Variants in VASN observed in about 807,000 individuals in gnomAD.
VASN encodes the protein protein slit-like 2.
VASN carries 5 observed loss-of-function variants against 4.8 expected under a neutral mutation model. That is an observed-to-expected ratio of 1.03 (90% CI 0.54 to 2.17). VASN has a LOEUF of 2.17. Among genes scored for constraint, VASN ranks in the 30% most tolerant of loss-of-function variants. The pLI is 0.01. For missense variants in VASN, 927 were observed against 948.8 expected (o/e 0.98, Z 0.30); for synonymous variants, 499 against 460.8 (o/e 1.08, Z -1.06).
intron 1 of VASN, among the ~76,000 whole-genome samples, chr16:4,380,662 C>T (rs1237508124): frequency 6.6e-6 from 1 of 152,220 alleles, no homozygotes; most frequent in Non-Finnish European, 1.5e-5. Context: ...ATGATGACCT[C>T]TGTGTGCATT....
intron 1 of VASN, among the ~76,000 whole-genome samples, chr16:4,374,769 G>A (rs1009725385): frequency 6.6e-6 from 1 of 152,088 alleles, no homozygotes; most frequent in Non-Finnish European, 1.5e-5. Flanking sequence ...TGGGGGGTTC[G>A]GCATGGGGAG....
rs751499912 is a variant in VASN at position 4,381,816 on chromosome 16, G to A, written c.939G>A (p.Val313=). 6 of 1,600,504 alleles carry A rather than the reference G, an allele frequency of 3.7e-6. No individual in the cohort carries two copies. The highest frequency in any genetic ancestry group is 5.1e-6 in the Non-Finnish European group (6 of 1,179,590). Reference sequence around the variant, plus strand: ...CCCTGAGCTGGTTTGGCCCCTGGGTGCGCGAGAGCCACGTCACACTGGCCA... The same window carrying A: ...CCCTGAGCTGGTTTGGCCCCTGGGTACGCGAGAGCCACGTCACACTGGCCA... The part of the protein sequence containing the change: ...VCPLSWFGPW[V]RESHVTLASP... Residue 313 remains valine, a synonymous_variant, in exon 2 of 2, where the codon GTG becomes GTA. Transcript: ENST00000304735.
chr16:4,379,191 G>A (rs948438275), intron 1 of VASN, among the ~76,000 whole-genome samples: 1 of 152,136 alleles, frequency 6.6e-6, no homozygotes, highest in African/African-American at 2.4e-5. Flanking sequence ...AGCCTGTGTG[G>A]GGGAAGGGGA....
Position 4,382,947 on chromosome 16 carries a change from T to C in VASN, c.*48T>C, listed in dbSNP as rs1359618322. The C allele has an allele frequency of 6.9e-7, 1 of 1,448,328 alleles. No individual in the cohort carries two copies. Among genetic ancestry groups the C allele is most frequent in the Non-Finnish European group, 9.1e-7 (1 of 1,098,220 alleles). The allele number at this position is 1,448,328 out of a possible 1,614,324, so 89.7% of individuals were successfully genotyped here. A position where few individuals can be genotyped will look rare whatever the true frequency, so the allele number is the denominator to read the frequency against. ...GGGGCCGGGCTCTCAGCCAGTGAGATGGCCAGCCCCCTCCTGCTGCCACAC... is the reference window on the plus strand; with the variant it reads ...GGGGCCGGGCTCTCAGCCAGTGAGACGGCCAGCCCCCTCCTGCTGCCACAC... On this transcript the variant is annotated 3_prime_UTR_variant, in exon 2 of 2. Transcript: ENST00000304735.
chr16:4,372,419 G>C (rs1211821798), intron 1 of VASN, among the ~76,000 whole-genome samples: 2 of 152,232 alleles, frequency 1.3e-5, no homozygotes, highest in African/African-American at 4.8e-5. Context: ...AGGGCTGCCC[G>C]GGGTCCTCTG....
rs1456269038 is a variant in VASN, at chr16:4,377,413, A to G, written c.-9-3456A>G. 2.6e-5 allele frequency among the ~76,000 whole-genome samples: 4 copies of G among 152,124 alleles called. No individual in the cohort carries two copies. In the East Asian group the frequency reaches 7.7e-4, roughly 29 times the overall value. ...CTGTAGACAGCCCCCAGCCCCACGCACACACCAAGCACACGCCCAGACCCC... is the reference window on the plus strand; with the variant it reads ...CTGTAGACAGCCCCCAGCCCCACGCGCACACCAAGCACACGCCCAGACCCC... On this transcript the variant is annotated intron_variant, in intron 1 of 1. Coordinates refer to ENST00000304735, the MANE Select transcript of VASN (RefSeq NM_138440.3).
chr16:4,378,833 A>G (rs2054846755), intron 1 of VASN, among the ~76,000 whole-genome samples: 2 of 151,836 alleles, frequency 1.3e-5, no homozygotes, highest in Admixed American at 1.3e-4. Flanking sequence ...TAGGTTGGGG[A>G]GGCTTAGCCT....
At chr16:4,378,033 C>G (rs2054810750) in intron 1 of VASN, among the ~76,000 whole-genome samples, 2 of 152,202 alleles carry the variant, frequency 1.3e-5, no homozygotes, top group Non-Finnish European at 2.9e-5. Context: ...AAAGACCCAA[C>G]AGATTACGGA....
intron 1 of VASN, among the ~76,000 whole-genome samples, chr16:4,377,128 G>A (rs2141232120): frequency 6.6e-6 from 1 of 152,252 alleles, no homozygotes; most frequent in South Asian, 2.1e-4. Context: ...ACTGTGCCAG[G>A]GAGGGAGCAA....
At chr16:4,375,873 C>G (rs527750218) in intron 1 of VASN, among the ~76,000 whole-genome samples, 13 of 152,312 alleles carry the variant, frequency 8.5e-5, no homozygotes, top group African/African-American at 3.1e-4. Context: ...TGATGTGCAG[C>G]CCGGCGGGCA....
intron 1 of VASN, among the ~76,000 whole-genome samples, chr16:4,374,344 C>A (rs2054642112): frequency 6.6e-6 from 1 of 152,148 alleles, no homozygotes; most frequent in Admixed American, 6.5e-5. Context: ...ATTCCAGCCT[C>A]CCTGGGTGTG....
intron 1 of VASN, 62 bp from the exon 2 acceptor site, chr16:4,380,807 C>A: frequency 7.1e-7 from 1 of 1,405,556 alleles, no homozygotes; most frequent in Non-Finnish European, 9.3e-7. Context: ...CTCTTCCTGG[C>A]GTGTCTGCCT....
intron 1 of VASN, among the ~76,000 whole-genome samples, chr16:4,372,780 C>T (rs2054582189): frequency 6.6e-6 from 1 of 152,196 alleles, no homozygotes; most frequent in Non-Finnish European, 1.5e-5. Context: ...ACGATTGCCA[C>T]ACCAGGGTCA....
chr16:4,374,086 C>CGTGTGTGTGTGTGTGTGTGTGT lies in VASN; in HGVS notation c.-10+2113_-10+2114insGTGTGTGTGTGTGTGTGTGTGT, dbSNP rs112578905. Among the ~76,000 whole-genome samples the CGTGTGTGTGTGTGTGTGTGTGT allele has an allele frequency of 3.4e-3, 513 of 148,768 alleles. 2 individuals are homozygous for CGTGTGTGTGTGTGTGTGTGTGT. Among genetic ancestry groups the CGTGTGTGTGTGTGTGTGTGTGT allele is most frequent in the African/African-American group, 0.012 (479 of 40,564 alleles). On this transcript the variant is annotated intron_variant, in intron 1 of 1. Transcript: ENST00000304735. The stretch of plus-strand genomic sequence containing the variant: ...GTTCTTGGAGAAGGGGGAGGGTGCA[C>CGTGTGTGTGTGTGTGTGTGTGT]GTGTGTGTGTGTGTGTGTGTCTGCA...
At chr16:4,375,876 G>A (rs1008830636) in intron 1 of VASN, among the ~76,000 whole-genome samples, 22 of 152,196 alleles carry the variant, frequency 1.4e-4, no homozygotes, top group African/African-American at 4.8e-4. Context: ...TGTGCAGCCC[G>A]GCGGGCAAAG....
At position 4,381,006 on chromosome 16, in the gene VASN, G is replaced by T. The variant is rs1308410023; in HGVS notation, c.129G>T (p.Gly43=). ...PQTVFCTARQ[G]TTVPRDVPPD... ...CAGTCTTCTGCACTGCCCGCCAGGG[G>T]ACCACGGTGCCCCGAGACGTGCCAC... The change falls in exon 2 of 2, where the codon GGG becomes GGT. Residue 43 remains glycine, a synonymous_variant. Coordinates refer to ENST00000304735, the MANE Select transcript of VASN (RefSeq NM_138440.3). 6.2e-7 allele frequency: 1 copy of T among 1,608,862 alleles called. No individual in the cohort carries two copies.
intron 1 of VASN, among the ~76,000 whole-genome samples, chr16:4,376,385 G>A (rs2054732212): frequency 6.6e-6 from 1 of 152,190 alleles, no homozygotes; most frequent in African/African-American, 2.4e-5. Context: ...AGCCTTGGCG[G>A]GCCAGCATGA....
In VASN at chr16:4,381,484, G is replaced by A. The variant is rs755695131; in HGVS notation, c.607G>A (p.Gly203Arg). Residue 203 changes from glycine (G) to arginine (R), a missense_variant, in exon 2 of 2, where the codon GGG becomes AGG. Gly to Arg is a moderately radical substitution (Grantham distance 125, BLOSUM62 -2). Transcript: ENST00000304735. The part of the protein sequence containing the change: ...NVEALRLAGL[G>R]LQQLDEGLFS... Reference sequence around the variant, plus strand: ...GGAGGCGCTGCGGCTGGCTGGTCTGGGGCTGCAGCAGCTGGACGAGGGGCT... The same window carrying A: ...GGAGGCGCTGCGGCTGGCTGGTCTGAGGCTGCAGCAGCTGGACGAGGGGCT... 1.3e-6 allele frequency: 2 copies of A among 1,586,176 alleles called. No homozygotes were observed. The highest frequency in any genetic ancestry group is 1.7e-6 in the Non-Finnish European group (2 of 1,167,968).
chr16:4,371,966 C>G lies in VASN; in HGVS notation c.-37C>G, dbSNP rs2054547770. 6.6e-6 allele frequency: 1 copy of G among 152,656 alleles called. No individual in the cohort carries two copies. The highest frequency in any genetic ancestry group is 1.5e-5 in the Non-Finnish European group (1 of 68,410). 9.5% of individuals were successfully genotyped at this position (152,656 alleles called of 1,614,324 possible). On this transcript the variant is annotated 5_prime_UTR_variant, in exon 1 of 2. Coordinates refer to ENST00000304735, the MANE Select transcript of VASN (RefSeq NM_138440.3). ...GACTGAGGCCGCGGCCTGCCCCGCCCGGCTCCCTGCGCCGCCGCCGCCTCC... is the reference window on the plus strand; with the variant it reads ...GACTGAGGCCGCGGCCTGCCCCGCCGGGCTCCCTGCGCCGCCGCCGCCTCC...
Sources: gnomAD v4.1 joint callset for allele counts (sites outside exome capture counted in the v4.1 genomes callset) on GRCh38, gnomAD v4.1.1 for gene constraint, MANE v1.5 for transcripts, NCBI Gene and HGNC (gene_info 2026-07-23, HGNC 2026-07-21) for gene names.